The following STOX1 variants were observed in gnomAD, a reference collection of about 807,000 sequenced individuals.
The protein encoded by STOX1 is storkhead-box protein 1.
Under a neutral mutation model 74.8 loss-of-function variants are expected in STOX1, and 57 were observed. That is an observed-to-expected ratio of 0.76 (90% confidence interval 0.62 to 0.95). The LOEUF (loss-of-function observed/expected upper bound fraction) is 0.95, where lower values mean the gene tolerates loss of function less well. STOX1 is among the 40% of genes least tolerant of loss of function. The pLI is 0.00. For missense variants in STOX1, 1,010 were observed against 1,117.0 expected (o/e 0.90, Z 1.37); for synonymous variants, 375 against 401.3 (o/e 0.93, Z 0.78).
At chr10:68,888,645 T>TTA (rs1841024244) in intron 3 of STOX1, among the ~76,000 whole-genome samples, 2 of 147,804 alleles carry the variant, frequency 1.4e-5, no homozygotes, top group African/African-American at 5.0e-5. Flanking sequence ...TTTTTTTTTT[T>TTA]TTGCTTTGAG....
chr10:68,857,995 A>G (rs754950012), intron 1 of STOX1, among the ~76,000 whole-genome samples: 1 of 152,130 alleles, frequency 6.6e-6, no homozygotes, highest in African/African-American at 2.4e-5. Context: ...TAAGGCAGGA[A>G]GCAAGTGTAT....
intron 1 of STOX1, among the ~76,000 whole-genome samples, chr10:68,852,224 ATGAGTT>A (rs1369714859): frequency 3.5e-5 from 5 of 144,252 alleles, no homozygotes; most frequent in Non-Finnish European, 7.6e-5. Context: ...ATTTGCCTGT[ATGAGTT>A]TAAGTTTTTC....
chr10:68,840,943 G>A (rs1839677589), intron 1 of STOX1, among the ~76,000 whole-genome samples: 1 of 149,686 alleles, frequency 6.7e-6, no homozygotes, highest in African/African-American at 2.5e-5. Flanking sequence ...AAATGTTCTT[G>A]CTTTTTGCTT....
chr10:68,849,730 T>A (rs1293960775), intron 1 of STOX1, among the ~76,000 whole-genome samples: 1 of 152,172 alleles, frequency 6.6e-6, no homozygotes, highest in East Asian at 1.9e-4. Context: ...TTACTCAAAT[T>A]CCTCTCATGA....
At chr10:68,872,436 C>G (rs1444785178) in intron 1 of STOX1, among the ~76,000 whole-genome samples, 6 of 151,056 alleles carry the variant, frequency 4.0e-5, no homozygotes, top group Admixed American at 6.6e-5. Flanking sequence ...ACCTCCACCT[C>G]CTGGGTTCAA....
rs570795941 is a variant in STOX1, at chr10:68,837,758, C to T, written c.310+9825C>T. 2.6e-5 allele frequency among the ~76,000 whole-genome samples: 4 copies of T among 152,298 alleles called. No homozygotes were observed. The East Asian group carries it at 7.7e-4, about 29-fold the overall frequency. On this transcript the variant is annotated intron_variant, in intron 1 of 3. Coordinates refer to ENST00000298596, the MANE Select transcript of STOX1 (RefSeq NM_152709.5). Reference sequence around the variant, plus strand: ...TGTCACTAAGCAGCTGAGTGACCAGCTTCTCATCCAGTCCTCTTGGGGCCT... The same window carrying T: ...TGTCACTAAGCAGCTGAGTGACCAGTTTCTCATCCAGTCCTCTTGGGGCCT...
intron 1 of STOX1, among the ~76,000 whole-genome samples, chr10:68,845,038 T>TAG (rs1839803015): frequency 6.6e-6 from 1 of 151,788 alleles, no homozygotes; most frequent in Non-Finnish European, 1.5e-5. Flanking sequence ...GCTGGGATTA[T>TAG]AGGTGTGAGC....
At chr10:68,832,185 A>G (rs77023040) in intron 1 of STOX1, among the ~76,000 whole-genome samples, 5,781 of 152,130 alleles carry the variant, frequency 0.038, 360 homozygotes, top group African/African-American at 0.13. Context: ...GAGGTACTGC[A>G]GGGAGGTGGG....
Position 68,846,119 on chromosome 10 carries a change from T to TTTTTTATTA in STOX1, c.310+18188_310+18189insTTTATTATT, listed in dbSNP as rs1167242930. On this transcript the variant is annotated intron_variant, in intron 1 of 3. Transcript: ENST00000298596. Reference sequence around the variant, plus strand: ...GTGGTACAAGTTATGGCTTGAGGTTTTTATTATTATTATTATTATTATTAT... The same window carrying TTTTTTATTA: ...GTGGTACAAGTTATGGCTTGAGGTTTTTTTTATTATTATTATTATTATTATTATTATTAT... 3.9e-3 allele frequency among the ~76,000 whole-genome samples: 535 copies of TTTTTTATTA among 135,824 alleles called. 1 individual carries two copies. The highest frequency in any genetic ancestry group is 5.4e-3 in the Non-Finnish European group (344 of 63,358). 89.1% of individuals were successfully genotyped at this position (135,824 alleles called of 152,430 possible).
chr10:68,841,782 T>C (rs1839697295), intron 1 of STOX1, among the ~76,000 whole-genome samples: 1 of 152,196 alleles, frequency 6.6e-6, no homozygotes, highest in Non-Finnish European at 1.5e-5. Flanking sequence ...TGCTCCAGTC[T>C]CATTCTACCA....
intron 1 of STOX1, among the ~76,000 whole-genome samples, chr10:68,873,685 C>T (rs1467835425): frequency 5.0e-5 from 6 of 118,884 alleles, no homozygotes; most frequent in Non-Finnish European, 9.8e-5. Flanking sequence ...GAGACGGAGT[C>T]TCGCTTTGTC....
intron 1 of STOX1, among the ~76,000 whole-genome samples, chr10:68,846,158 ATTAT>A (rs1406844820): frequency 6.9e-5 from 9 of 130,450 alleles, no homozygotes; most frequent in Non-Finnish European, 1.2e-4. Flanking sequence ...TATTATTATT[ATTAT>A]TTGAGACGGA....
Position 68,878,191 on chromosome 10 carries a change from A to G in STOX1, c.311-3767A>G, listed in dbSNP as rs567243020. Among the ~76,000 whole-genome samples, 4 of 152,320 alleles carry G rather than the reference A, an allele frequency of 2.6e-5. No individual in the cohort carries two copies. In the South Asian group the frequency reaches 8.3e-4, roughly 32 times the overall value. ...ATAAAAGCTTAAAGCCACTTATTTT[A>G]ACTAAGCACATACAGTTATATCAAA... is the stretch of plus-strand genomic sequence containing the variant. On this transcript the variant is annotated intron_variant, in intron 1 of 3. Transcript: ENST00000298596.
intron 1 of STOX1, among the ~76,000 whole-genome samples, chr10:68,858,857 C>T (rs1360957502): frequency 6.6e-6 from 1 of 152,084 alleles, no homozygotes; most frequent in African/African-American, 2.4e-5. Context: ...TTCTGTGATG[C>T]TTTTGGTAAC....
rs116090951 is a variant in STOX1, at chr10:68,886,050, C to T, written c.2254C>T (p.Leu752=). 6.9e-4 allele frequency: 1,114 copies of T among 1,614,214 alleles called. 9 individuals are homozygous for T. The African/African-American group carries it at 0.013, about 18-fold the overall frequency. ...TGAGAATGACGACTTACGTCAAATGCTGCCTGGCCACAGTCAGTATTCCTT... is the reference window on the plus strand; with the variant it reads ...TGAGAATGACGACTTACGTCAAATGTTGCCTGGCCACAGTCAGTATTCCTT... ...ISENDDLRQM[L]PGHSQYSFTG... The change falls in exon 3 of 4, where the codon CTG becomes TTG. Residue 752 remains leucine, a synonymous_variant. Coordinates refer to ENST00000298596, the MANE Select transcript of STOX1 (RefSeq NM_152709.5).
intron 1 of STOX1, among the ~76,000 whole-genome samples, chr10:68,870,563 A>G (rs1361085169): frequency 6.6e-6 from 1 of 152,212 alleles, no homozygotes; most frequent in African/African-American, 2.4e-5. Flanking sequence ...TAATTAGGTT[A>G]TGGACATTAA....
At chr10:68,836,298 G>A (rs1443666516) in intron 1 of STOX1, among the ~76,000 whole-genome samples, 1 of 152,188 alleles carries the variant, frequency 6.6e-6, no homozygotes, top group Non-Finnish European at 1.5e-5. Context: ...AGGTTGTTTT[G>A]AAGATAAGGT....
chr10:68,862,911 G>A lies in STOX1; in HGVS notation c.311-19047G>A, dbSNP rs555018876. ...TGTTTACAAATAGGTTTTTGAGGGC[G>A]GTATGCCTCAATTACAGGAGCAGAT... On this transcript the variant is annotated intron_variant, in intron 1 of 3. Transcript: ENST00000298596. Among the ~76,000 whole-genome samples the A allele has an allele frequency of 6.3e-4, 96 of 152,136 alleles. 2 individuals carry two copies. In the South Asian group the frequency reaches 0.013, roughly 20 times the overall value.
intron 3 of STOX1, among the ~76,000 whole-genome samples, chr10:68,889,639 C>A (rs1841051740): frequency 6.6e-6 from 1 of 152,200 alleles, no homozygotes. Context: ...TCTCGGCTCA[C>A]AGCAACCTCT....
Sources: allele counts gnomAD v4.1 joint callset (sites outside exome capture counted in the v4.1 genomes callset), GRCh38; gene constraint gnomAD v4.1.1; transcripts MANE v1.5; gene names NCBI Gene and HGNC (gene_info 2026-07-23, HGNC 2026-07-21).